The following PRRC2A variants were observed in gnomAD, a reference collection of about 807,000 sequenced individuals.
The protein encoded by PRRC2A is proline rich coiled-coil 2A.
A neutral mutation model predicts 224.6 loss-of-function variants in PRRC2A; 59 were observed. That is an observed-to-expected ratio of 0.26 (90% CI 0.21 to 0.33). PRRC2A has a LOEUF of 0.33. Among genes scored for constraint, PRRC2A ranks in the 10% least tolerant of loss-of-function variants. PRRC2A has a pLI of 1.00. For synonymous variants in PRRC2A, 1,194 were observed against 1,109.5 expected (o/e 1.08, Z -1.51); for missense variants, 3,095 against 2,880.7 (o/e 1.07, Z -1.70).
In PRRC2A at chr6:31,631,408, G is replaced by C; in HGVS notation, c.2735G>C (p.Gly912Ala). 1.2e-6 allele frequency: 2 copies of C among 1,608,970 alleles called. No homozygotes were observed. The highest frequency in any genetic ancestry group is 3.4e-5 in the Admixed American group (2 of 59,034). The stretch of plus-strand genomic sequence containing the variant: ...CGCGGAGTCGGGAGTGGAGGCCAGG[G>C]CCCCCCACCACCACGCAGAGAGAGT... ...PARGVGSGGQ[G>A]PPPPRRESRT... The change falls in exon 16 of 31, where the codon GGC becomes GCC. Residue 912 changes from glycine to alanine, a missense_variant. Gly to Ala is a moderately conservative substitution (Grantham distance 60). Around this residue, in one of 8 missense-constraint regions of PRRC2A, gnomAD observed 2,001 missense variants for 1,764.9 expected, o/e 1.13. Transcript: ENST00000376033. This position sits in a 1 kb window ranked among gnomAD's most constrained non-coding sequence, Gnocchi z 4.5.
At position 31,636,767 on chromosome 6, in the gene PRRC2A, T is replaced by G. The variant is rs1561843928; in HGVS notation, c.5969T>G (p.Val1990Gly). The G allele has an allele frequency of 1.9e-6, 3 of 1,607,032 alleles. No homozygotes were observed. Among genetic ancestry groups the G allele is most frequent in the Non-Finnish European group, 2.5e-6 (3 of 1,179,986 alleles). ...LLPMVDSQLP[V>G]VNFGSLPPAP... ...CCCATGGTAGACTCACAGCTGCCTG[T>G]GGTGAACTTTGGCTCCCTGCCGCCA... The change falls in exon 28 of 31, where the codon GTG (valine) becomes GGG (glycine). Residue 1990 changes from valine (V) to glycine (G), a missense_variant. Transcript: ENST00000376033. The surrounding 1 kb of genome is among the most constrained non-coding windows in gnomAD (Gnocchi z 4.3).
chr6:31,634,160 C>T (rs1777036938), intron 18 of PRRC2A, 76 bp from the exon 19 acceptor site: 1 of 1,568,430 alleles, frequency 6.4e-7, no homozygotes, highest in Admixed American at 2.1e-5. Context: ...CTGTGTCACC[C>T]CACTCTGTCC....
Position 31,633,653 on chromosome 6 carries a change from C to G in PRRC2A, c.4588+6C>G, listed in dbSNP as rs1267985856. 3.1e-6 allele frequency: 5 copies of G among 1,605,632 alleles called. No individual in the cohort carries two copies. Among genetic ancestry groups the G allele is most frequent in the Non-Finnish European group, 4.3e-6 (5 of 1,175,838 alleles). On this transcript the variant is annotated splice_donor_region_variant and intron_variant, in intron 17 of 30. Transcript: ENST00000376033. ...CAACAGCGGCCTCAGTTCTGGTAAG[C>G]TGGAGGGGTTATGGGTGGGAATATC...
At chr6:31,630,450 GT>G (rs1440417758) in intron 14 of PRRC2A, 140 bp from the exon 15 acceptor site, 1 of 732,154 alleles carries the variant, frequency 1.4e-6, no homozygotes, top group East Asian at 2.7e-5. Context: ...GGATAACCTT[GT>G]TATATAAGAG....
intron 17 of PRRC2A, 58 bp from the exon 18 acceptor site, chr6:31,633,801 G>C: frequency 6.5e-7 from 1 of 1,539,920 alleles, no homozygotes; most frequent in East Asian, 2.3e-5. Context: ...GAGTAGAGAG[G>C]AAAAGTTAGG....
intron 1 of PRRC2A, among the ~76,000 whole-genome samples, chr6:31,622,377 GTC>G (rs1775390348): frequency 6.6e-6 from 1 of 152,186 alleles, no homozygotes; most frequent in African/African-American, 2.4e-5. Flanking sequence ...CCTGTTGTAA[GTC>G]TCTGAAACGA....
rs1363416258 is a variant in PRRC2A, at chr6:31,627,871, G to A, written c.1397G>A (p.Arg466Gln). Residue 466 changes from arginine (R) to glutamine (Q), a missense_variant, in exon 12 of 31, where the codon CGG (arginine) becomes CAG (glutamine). By Grantham distance (43) the Arg-to-Gln change is conservative (BLOSUM62 1). Transcript: ENST00000376033. This position sits in a 1 kb window ranked among gnomAD's most constrained non-coding sequence, Gnocchi z 5.6. ...SSSEISLAVE[R>Q]ARRRREEEER... ...TCTGAGATTTCCCTGGCAGTGGAGC[G>A]GGCCCGGCGACGGCGAGAAGAAGAG... The A allele has an allele frequency of 3.7e-6, 6 of 1,613,078 alleles. No individual in the cohort carries two copies. The highest frequency in any genetic ancestry group is 1.1e-5 in the South Asian group (1 of 91,088).
In PRRC2A at chr6:31,631,799, T is replaced by C; in HGVS notation, c.3126T>C (p.Tyr1042=). 2 of 1,577,068 alleles carry C rather than the reference T, an allele frequency of 1.3e-6. No homozygotes were observed. The highest frequency in any genetic ancestry group is 1.2e-5 in the South Asian group (1 of 86,288). ...GAGGGAGGGGTTTTCGGGGGACCTATGGGGGACGAGGGCGGGGAGCCCGAA... is the reference window on the plus strand; with the variant it reads ...GAGGGAGGGGTTTTCGGGGGACCTACGGGGGACGAGGGCGGGGAGCCCGAA... ...FARGRGFRGT[Y]GGRGRGARSR... is the part of the protein sequence containing the mutation. Residue 1042 remains tyrosine, a synonymous_variant, in exon 16 of 31, where the codon TAT becomes TAC. Coordinates refer to ENST00000376033, the MANE Select transcript of PRRC2A (RefSeq NM_004638.4). The surrounding 1 kb of genome is among the most constrained non-coding windows in gnomAD (Gnocchi z 4.5).
At position 31,622,867 on chromosome 6, in the gene PRRC2A, T is replaced by C; in HGVS notation, c.78T>C (p.Tyr26=). ...KYSSLNLFDT[Y]KGKSLEIQKP... ...CCTCGCTCAACCTGTTTGATACGTA[T>C]AAGGGCAAGTCCTTAGAGATCCAGA... The change falls in exon 2 of 31, where the codon TAT becomes TAC. Residue 26 remains tyrosine, a synonymous_variant. Coordinates refer to ENST00000376033, the MANE Select transcript of PRRC2A (RefSeq NM_004638.4). 1 of 1,614,136 alleles carries C rather than the reference T, an allele frequency of 6.2e-7. No individual in the cohort carries two copies. The highest frequency in any genetic ancestry group is 8.5e-7 in the Non-Finnish European group (1 of 1,180,010).
In PRRC2A at chr6:31,633,635, G is replaced by A. The variant is rs372544812; in HGVS notation, c.4576G>A (p.Gly1526Ser). 120 of 1,610,650 alleles carry A rather than the reference G, an allele frequency of 7.5e-5. No individual in the cohort carries two copies. Among genetic ancestry groups the A allele is most frequent in the Admixed American group, 3.5e-4 (21 of 59,834 alleles). Residue 1526 changes from glycine (G) to serine (S), a missense_variant, in exon 17 of 31, where the codon GGC becomes AGC. Gly to Ser is a moderately conservative substitution (Grantham distance 56). Transcript: ENST00000376033. ...ATACGAGCCCCAGAGGGTCAACAGC[G>A]GCCTCAGTTCTGGTAAGCTGGAGGG... ...TRYEPQRVNS[G>S]LSSDPHFEEP...
chr6:31,635,806 T>C (rs997904274), intron 24 of PRRC2A, 57 bp downstream of exon 24: 15 of 1,520,936 alleles, frequency 9.9e-6, no homozygotes, highest in Admixed American at 2.1e-5. Flanking sequence ...TTTTTCTGCC[T>C]GGTATGTATT....
rs73398210 is a variant in PRRC2A at position 31,633,381 on chromosome 6, G to A, written c.4322G>A (p.Arg1441His). 39 of 1,611,704 alleles carry A rather than the reference G, an allele frequency of 2.4e-5. No individual in the cohort carries two copies. The highest frequency in any genetic ancestry group is 2.8e-5 in the Non-Finnish European group (33 of 1,179,142). Residue 1441 changes from arginine to histidine, a missense_variant and splice_region_variant, in exon 17 of 31, where the codon CGT (arginine) becomes CAT (histidine). Physicochemically the swap from Arg to His is conservative, Grantham distance 29. Coordinates refer to ENST00000376033, the MANE Select transcript of PRRC2A (RefSeq NM_004638.4). Reference protein sequence around the residue: ...RSWPSPKNRSRPPEERPPGLP... With the variant: ...RSWPSPKNRSHPPEERPPGLP... ...AGCTAATGCTCTGTTTTCTCCAGTC[G>A]TCCTCCAGAGGAGCGTCCCCCGGGG...
rs1463420349 is a variant in PRRC2A, at chr6:31,626,876, A to G, written c.1073+14A>G. On this transcript the variant is annotated intron_variant, in intron 10 of 30. Coordinates refer to ENST00000376033, the MANE Select transcript of PRRC2A (RefSeq NM_004638.4). ...TGCTGAGGGCCAGTGAGTTAGGGCC[A>G]TCAGGGGAGAAGAGGAGGGGGTCTT... The G allele has an allele frequency of 6.2e-7, 1 of 1,612,030 alleles. No individual in the cohort carries two copies.
At position 31,636,352 on chromosome 6, in the gene PRRC2A, C is replaced by T. The variant is rs776749219; in HGVS notation, c.5768C>T (p.Pro1923Leu). Reference protein sequence around the residue: ...GKLPAGGVLYPPPSFLYSPAF... With the variant: ...GKLPAGGVLYLPPSFLYSPAF... ...TTGCCGGCTGGAGGAGTTCTCTACC[C>T]TCCACCTTCCTTCCTCTACTCTCCG... Residue 1923 changes from proline (P) to leucine (L), a missense_variant, in exon 26 of 31, where the codon CCT (proline) becomes CTT (leucine). By Grantham distance (98) the Pro-to-Leu change is moderately conservative. Transcript: ENST00000376033. This position sits in a 1 kb window ranked among gnomAD's most constrained non-coding sequence, Gnocchi z 4.3. 1.9e-6 allele frequency: 3 copies of T among 1,613,030 alleles called. No homozygotes were observed. The highest frequency in any genetic ancestry group is 2.2e-5 in the East Asian group (1 of 44,884).
chr6:31,622,984 T>A, intron 2 of PRRC2A, 83 bp downstream of exon 2: 2 of 1,170,300 alleles, frequency 1.7e-6, no homozygotes. Flanking sequence ...TAAAGGGAAG[T>A]GGCTGTAGTA....
At chr6:31,635,303 G>A in intron 22 of PRRC2A, 31 bp downstream of exon 22, 1 of 1,613,790 alleles carries the variant, frequency 6.2e-7, no homozygotes, top group African/African-American at 1.3e-5. Flanking sequence ...GGTATCCTGA[G>A]TTGGGTGGAG....
rs752622968 is a variant in PRRC2A at position 31,633,556 on chromosome 6, C to T, written c.4497C>T (p.His1499=). 4.8e-5 allele frequency: 77 copies of T among 1,612,948 alleles called. No homozygotes were observed. Among genetic ancestry groups the T allele is most frequent in the Non-Finnish European group, 5.1e-6 (6 of 1,179,994 alleles). The part of the protein sequence containing the change: ...SVTAPGGHPR[H]KPGLPQAPQG... ...CTGCACCAGGGGGTCATCCAAGGCA[C>T]AAGCCTGGGCTTCCCCAAGCCCCTC... Residue 1499 remains histidine (H), a synonymous_variant, in exon 17 of 31, where the codon CAC becomes CAT. Transcript: ENST00000376033.
intron 14 of PRRC2A, 40 bp from the exon 15 acceptor site, chr6:31,630,551 C>T: frequency 1.2e-6 from 2 of 1,606,602 alleles, no homozygotes; most frequent in South Asian, 2.2e-5. Context: ...GGGCTTGTGA[C>T]ATGAATAGGA....
chr6:31,622,687 C>A lies in PRRC2A; in HGVS notation c.-100-3C>A. 1.2e-6 allele frequency: 1 copy of A among 813,010 alleles called. No homozygotes were observed. The highest frequency in any genetic ancestry group is 2.1e-6 in the Non-Finnish European group (1 of 477,246). 50.4% of individuals were successfully genotyped at this position (813,010 alleles called of 1,614,324 possible). A position where few individuals can be genotyped will look rare whatever the true frequency, so the allele number is the denominator to read the frequency against. ...TTTTAAGTTTCTGTTATGGTCTGTA[C>A]AGGGGACAGAGACTGAGACACTTGC... On this transcript the variant is annotated splice_region_variant and splice_polypyrimidine_tract_variant and intron_variant, in intron 1 of 30. Coordinates refer to ENST00000376033, the MANE Select transcript of PRRC2A (RefSeq NM_004638.4).
Sources: allele counts gnomAD v4.1 joint callset (sites outside exome capture counted in the v4.1 genomes callset), GRCh38; gene constraint gnomAD v4.1.1; regional missense constraint gnomAD v4.1.1; non-coding constraint Gnocchi (gnomAD v3.1); transcripts MANE v1.5; gene names NCBI Gene and HGNC (gene_info 2026-07-23, HGNC 2026-07-21).